The following MMP20 variants were observed in gnomAD, a reference collection of about 807,000 sequenced individuals.
The protein encoded by MMP20 is matrix metallopeptidase 20.
A neutral mutation model predicts 51.8 loss-of-function variants in MMP20; 50 were observed. The ratio of observed to expected loss-of-function variants is 0.97; its 90% CI spans 0.77 to 1.22. MMP20 has a LOEUF of 1.22. Ranked by LOEUF, MMP20 falls within the 50% of genes most tolerant of loss-of-function variation. The probability of loss-of-function intolerance (pLI) is 0.00; values close to 1 mark genes in which losing one functional copy is unlikely to be tolerated. For synonymous variants in MMP20, 244 were observed against 216.2 expected (o/e 1.13, Z -1.13); for missense variants, 663 against 601.4 (o/e 1.10, Z -1.07).
chr11:102,594,532 A>G (rs1454073218), intron 7 of MMP20, 89 bp downstream of exon 7: 24 of 1,543,974 alleles, frequency 1.6e-5, no homozygotes, highest in Non-Finnish European at 2.1e-5. Flanking sequence ...CTCCATGATG[A>G]CTGGAAAAAT....
intron 1 of MMP20, among the ~76,000 whole-genome samples, chr11:102,617,411 A>G (rs1859688976): frequency 6.6e-6 from 1 of 152,246 alleles, no homozygotes; most frequent in African/African-American, 2.4e-5. Context: ...CATTATTTCC[A>G]TGGATCACTT....
chr11:102,619,229 T>A (rs1444937163), intron 1 of MMP20, among the ~76,000 whole-genome samples: 2 of 152,156 alleles, frequency 1.3e-5, no homozygotes, highest in East Asian at 3.8e-4. Flanking sequence ...GTCTGAATTA[T>A]ACTCCTCAGG....
chr11:102,619,789 T>TA (rs1326816155), intron 1 of MMP20, among the ~76,000 whole-genome samples: 2 of 151,980 alleles, frequency 1.3e-5, no homozygotes, highest in Non-Finnish European at 2.9e-5. Flanking sequence ...TTTTTTTTTT[T>TA]ACTATGAACC....
chr11:102,612,023 A>G, intron 2 of MMP20, 120 bp from the exon 3 acceptor site: 2 of 955,264 alleles, frequency 2.1e-6, no homozygotes, highest in Non-Finnish European at 3.2e-6. Flanking sequence ...TCTCTGAAAT[A>G]ATAATTCTTA....
intron 8 of MMP20, among the ~76,000 whole-genome samples, chr11:102,581,717 C>A (rs774235467): frequency 2.6e-5 from 4 of 151,960 alleles, no homozygotes; most frequent in Non-Finnish European, 5.9e-5. Context: ...CTCAGAGACA[C>A]AATGTTCAAT....
chr11:102,625,321 C>G lies in MMP20; in HGVS notation c.-2G>C. 1 of 1,613,018 alleles carries G rather than the reference C, an allele frequency of 6.2e-7. No homozygotes were observed. The highest frequency in any genetic ancestry group is 8.5e-7 in the Non-Finnish European group (1 of 1,179,450). On this transcript the variant is annotated 5_prime_UTR_variant, in exon 1 of 10. Coordinates refer to ENST00000260228, the MANE Select transcript of MMP20 (RefSeq NM_004771.4). ...GCCAGATGCAGGGAGCACCTTCATC[C>G]CCTCACAGTAGCTTGGTAATTATAT...
intron 7 of MMP20, 144 bp from the exon 8 acceptor site, chr11:102,593,739 C>T: frequency 3.3e-6 from 3 of 912,758 alleles, no homozygotes; most frequent in Non-Finnish European, 5.0e-6. Flanking sequence ...ATATAAGCTT[C>T]TAACTATTCA....
intron 2 of MMP20, among the ~76,000 whole-genome samples, chr11:102,616,050 G>GCCT (rs1859665774): frequency 1.3e-5 from 2 of 152,140 alleles, no homozygotes; most frequent in Non-Finnish European, 1.5e-5. Flanking sequence ...AGCACAGCAG[G>GCCT]GAGGGACAGA....
intron 8 of MMP20, among the ~76,000 whole-genome samples, chr11:102,587,566 GT>G (rs1565390241): frequency 6.6e-6 from 1 of 151,992 alleles, no homozygotes; most frequent in Non-Finnish European, 1.5e-5. Flanking sequence ...AACTATTATT[GT>G]TTCATTATTG....
In MMP20 at chr11:102,609,933, A is replaced by G; in HGVS notation, c.621T>C (p.Asn207=). ...EGLGGDTHFD[N]AEKWTMGTNG... Reference sequence around the variant, plus strand: ...TCGTTCCCATAGTCCACTTCTCAGCATTGTCGAAATGTGTATCTCCTCCCA... The same window carrying G: ...TCGTTCCCATAGTCCACTTCTCAGCGTTGTCGAAATGTGTATCTCCTCCCA... Residue 207 remains asparagine, a synonymous_variant, in exon 4 of 10, where the codon AAT becomes AAC. Transcript: ENST00000260228. 4 of 1,614,170 alleles carry G rather than the reference A, an allele frequency of 2.5e-6. No homozygotes were observed. The highest frequency in any genetic ancestry group is 3.4e-6 in the Non-Finnish European group (4 of 1,180,036).
At chr11:102,598,129 A>T (rs1302297476) in intron 6 of MMP20, among the ~76,000 whole-genome samples, 7 of 152,198 alleles carry the variant, frequency 4.6e-5, no homozygotes, top group Non-Finnish European at 8.8e-5. Flanking sequence ...TAATGAAAAA[A>T]ATGATGTCTT....
chr11:102,606,628 T>TG lies in MMP20; in HGVS notation c.859dup (p.His287ProfsTer8). On this transcript the variant is annotated frameshift_variant, in exon 6 of 10. Coordinates refer to ENST00000260228, the MANE Select transcript of MMP20 (RefSeq NM_004771.4). LOFTEE classifies it high-confidence loss of function. ...GAGGTCAGGGATGGATGGCTTGTGATGGGGGGCATGGGGCAGAGTGGGCTT... is the reference window on the plus strand; with the variant it reads ...GAGGTCAGGGATGGATGGCTTGTGATGGGGGGGCATGGGGCAGAGTGGGCTT... 6.2e-7 allele frequency: 1 copy of TG among 1,613,830 alleles called. No homozygotes were observed.
In MMP20 at chr11:102,606,634, G is replaced by A. The variant is rs747943008; in HGVS notation, c.854C>T (p.Ala285Val). ...AGGGATGGATGGCTTGTGATGGGGGGCATGGGGCAGAGTGGGCTTCCCCAG... is the reference window on the plus strand; with the variant it reads ...AGGGATGGATGGCTTGTGATGGGGGACATGGGGCAGAGTGGGCTTCCCCAG... ...VFLGKPTLPH[A>V]PHHKPSIPDL... Residue 285 changes from alanine (A) to valine (V), a missense_variant, in exon 6 of 10, where the codon GCC becomes GTC. Ala to Val is a moderately conservative substitution (Grantham distance 64). Transcript: ENST00000260228. The A allele has an allele frequency of 2.5e-6, 4 of 1,613,926 alleles. No individual in the cohort carries two copies. In the South Asian group the frequency reaches 3.3e-5, roughly 13 times the overall value.
At chr11:102,589,445 T>C (rs1410342322) in intron 8 of MMP20, among the ~76,000 whole-genome samples, 6 of 152,234 alleles carry the variant, frequency 3.9e-5, no homozygotes, top group Non-Finnish European at 1.5e-5. Flanking sequence ...TATTTATCTA[T>C]ATATTTACCC....
chr11:102,606,336 C>A (rs575920644), intron 6 of MMP20, among the ~76,000 whole-genome samples, 199 bp downstream of exon 6: 2 of 152,284 alleles, frequency 1.3e-5, no homozygotes, highest in East Asian at 3.9e-4. Flanking sequence ...AGTAGCAAGA[C>A]CACAGTAGGT....
chr11:102,623,921 A>G (rs1322980159), intron 1 of MMP20, among the ~76,000 whole-genome samples: 1 of 152,242 alleles, frequency 6.6e-6, no homozygotes, highest in Non-Finnish European at 1.5e-5. Context: ...GACAAAATAC[A>G]ATTGAATAAG....
At chr11:102,598,186 C>T (rs751547) in intron 6 of MMP20, among the ~76,000 whole-genome samples, 59,939 of 151,984 alleles carry the variant, frequency 0.39, 12,317 homozygotes, top group South Asian at 0.58. Context: ...ATCCTTAGAC[C>T]TATAGATTGT....
chr11:102,591,974 C>G (rs1297735490), intron 8 of MMP20, among the ~76,000 whole-genome samples: 1 of 152,104 alleles, frequency 6.6e-6, no homozygotes. Context: ...TGGATAATTC[C>G]CCCATTGAGA....
chr11:102,590,428 C>G (rs535767299), intron 8 of MMP20, among the ~76,000 whole-genome samples: 68 of 152,286 alleles, frequency 4.5e-4, no homozygotes, highest in African/African-American at 1.6e-3. Context: ...AAGTAACTAC[C>G]ACACAGAGAC....
Sources: gnomAD v4.1 joint callset for allele counts (sites outside exome capture counted in the v4.1 genomes callset) on GRCh38, gnomAD v4.1.1 for gene constraint, MANE v1.5 for transcripts, NCBI Gene and HGNC (gene_info 2026-07-23, HGNC 2026-07-21) for gene names.